The following ATP6V0E1 variants were observed in gnomAD, a reference collection of about 807,000 sequenced individuals.
ATP6V0E1 encodes the protein V-type proton ATPase subunit e 1.
A neutral mutation model predicts 11.6 loss-of-function variants in ATP6V0E1; 4 were observed. The ratio of observed to expected loss-of-function variants is 0.35; its 90% CI spans 0.17 to 0.79. The LOEUF (loss-of-function observed/expected upper bound fraction) is 0.79. ATP6V0E1 is among the 30% of genes least tolerant of loss of function. The pLI, the probability that ATP6V0E1 is intolerant of heterozygous loss-of-function variation, is 0.54. For missense variants in ATP6V0E1, 105 were observed against 100.0 expected, an observed-to-expected ratio of 1.05 and a Z score of -0.21; for synonymous variants, 36 against 34.8, an observed-to-expected ratio of 1.04 and a Z score of -0.13.
chr5:172,998,609 TAAA>T (rs59297626), intron 2 of ATP6V0E1, among the ~76,000 whole-genome samples: 19,585 of 119,706 alleles, frequency 0.16, 2,075 homozygotes, highest in African/African-American at 0.32. Context: ...GACTCCATCT[TAAA>T]AAAAAAAAAA....
At chr5:173,033,092 C>T (rs1171708344) in intron 3 of ATP6V0E1, among the ~76,000 whole-genome samples, 1 of 152,006 alleles carries the variant, frequency 6.6e-6, no homozygotes. Context: ...GCGAGACTGT[C>T]TGAAAAAAAT....
chr5:173,006,826 T>C (rs529444872), intron 2 of ATP6V0E1, among the ~76,000 whole-genome samples: 1 of 152,254 alleles, frequency 6.6e-6, no homozygotes, highest in Non-Finnish European at 1.5e-5. Context: ...CTGAGAATTG[T>C]TTGAATTTCT....
At chr5:172,987,571 GCCACACC>G (rs1755915810) in intron 1 of ATP6V0E1, among the ~76,000 whole-genome samples, 1 of 151,592 alleles carries the variant, frequency 6.6e-6, no homozygotes, top group Non-Finnish European at 1.5e-5. Flanking sequence ...GGTGTGAGCT[GCCACACC>G]CGGCCCCCTG....
At position 172,984,058 on chromosome 5, in the gene ATP6V0E1, C is replaced by T. The variant is rs1422571815; in HGVS notation, c.104+94C>T. 3.2e-6 allele frequency: 4 copies of T among 1,236,590 alleles called. No individual in the cohort carries two copies. The East Asian group carries it at 9.3e-5, about 29-fold the overall frequency. 76.6% of individuals were successfully genotyped at this position (1,236,590 alleles called of 1,614,324 possible). On this transcript the variant is annotated intron_variant, in intron 1 of 3. Coordinates refer to ENST00000519374, the MANE Select transcript of ATP6V0E1 (RefSeq NM_003945.4). ...CACGACCCCCACACGGGTCAGAGAA[C>T]GTTGCATGGGCGCCCCCCGCGCTGC...
At chr5:173,017,482 C>T (rs1360418636) in intron 2 of ATP6V0E1, among the ~76,000 whole-genome samples, 1 of 147,402 alleles carries the variant, frequency 6.8e-6, no homozygotes, top group Non-Finnish European at 1.5e-5. Context: ...TGCAGTGAGC[C>T]GAGATCGTGC....
chr5:173,024,489 C>T (rs1363642203), intron 3 of ATP6V0E1, among the ~76,000 whole-genome samples: 2 of 151,970 alleles, frequency 1.3e-5, no homozygotes, highest in African/African-American at 4.8e-5. Context: ...TTTCTGGCAA[C>T]ATCAAAATGT....
chr5:172,984,931 G>A (rs61358913), intron 1 of ATP6V0E1, among the ~76,000 whole-genome samples: 10,918 of 152,222 alleles, frequency 0.072, 470 homozygotes, highest in African/African-American at 0.11. Context: ...TGAGTGAATA[G>A]TTCTATTGTC....
chr5:173,003,325 C>G (rs1206063496), intron 2 of ATP6V0E1, among the ~76,000 whole-genome samples: 2 of 152,290 alleles, frequency 1.3e-5, no homozygotes, highest in East Asian at 3.9e-4. Context: ...TGTTTACTAT[C>G]TGCTTCTCCT....
intron 3 of ATP6V0E1, among the ~76,000 whole-genome samples, chr5:173,023,731 G>C (rs1756517353): frequency 6.6e-6 from 1 of 152,152 alleles, no homozygotes; most frequent in Non-Finnish European, 1.5e-5. Context: ...TGTAGTTCCA[G>C]CTATTCAGGA....
At chr5:172,989,995 C>T (rs1024184442) in intron 1 of ATP6V0E1, among the ~76,000 whole-genome samples, 1 of 152,002 alleles carries the variant, frequency 6.6e-6, no homozygotes, top group Non-Finnish European at 1.5e-5. Flanking sequence ...ACCACCATGC[C>T]CAACCAATTA....
intron 1 of ATP6V0E1, among the ~76,000 whole-genome samples, chr5:172,993,685 C>CCA (rs1554118439): frequency 8.2e-6 from 1 of 121,854 alleles, no homozygotes; most frequent in African/African-American, 3.2e-5. Context: ...TGAGACCCCC[C>CCA]CCCCCGACCC....
Position 172,983,961 on chromosome 5 carries a change from G to T in ATP6V0E1, c.101G>T (p.Arg34Leu), listed in dbSNP as rs767572032. ...VPWFIPKGPNRGVIITMLVTC... is the reference protein window; with the variant it reads ...VPWFIPKGPNLGVIITMLVTC... The stretch of plus-strand genomic sequence containing the variant: ...TGGTTCATCCCTAAGGGTCCTAACC[G>T]GGGGTAAGTGCGTGAGGCCCGCCTT... The change falls in exon 1 of 4, where the codon CGG becomes CTG. Residue 34 changes from arginine to leucine, a missense_variant. Physicochemically the swap from Arg to Leu is moderately radical, Grantham distance 102. Coordinates refer to ENST00000519374, the MANE Select transcript of ATP6V0E1 (RefSeq NM_003945.4). The T allele has an allele frequency of 1.2e-6, 2 of 1,612,400 alleles. No individual in the cohort carries two copies. Among genetic ancestry groups the T allele is most frequent in the Non-Finnish European group, 1.7e-6 (2 of 1,179,690 alleles).
At chr5:172,997,160 A>G (rs1756078320) in intron 2 of ATP6V0E1, among the ~76,000 whole-genome samples, 1 of 152,228 alleles carries the variant, frequency 6.6e-6, no homozygotes, top group South Asian at 2.1e-4. Flanking sequence ...GTTTTTAAAC[A>G]TACCAGTGAG....
intron 2 of ATP6V0E1, among the ~76,000 whole-genome samples, chr5:172,999,247 G>A (rs74292226): frequency 1.3e-5 from 2 of 152,190 alleles, no homozygotes; most frequent in East Asian, 3.9e-4. Flanking sequence ...TCTTTGAAAT[G>A]TGTTTAATTT....
intron 2 of ATP6V0E1, among the ~76,000 whole-genome samples, chr5:173,003,895 G>T (rs1322116993): frequency 2.0e-5 from 3 of 152,150 alleles, no homozygotes; most frequent in Non-Finnish European, 4.4e-5. Context: ...ATTACCTAAG[G>T]CAGTGGTTCT....
intron 3 of ATP6V0E1, among the ~76,000 whole-genome samples, chr5:173,022,843 T>C (rs1297289767): frequency 6.6e-6 from 1 of 151,852 alleles, no homozygotes; most frequent in Non-Finnish European, 1.5e-5. Flanking sequence ...ATGTGGTCCA[T>C]GTTTTGGCTA....
At chr5:173,005,158 A>G (rs1756210491) in intron 2 of ATP6V0E1, among the ~76,000 whole-genome samples, 1 of 143,306 alleles carries the variant, frequency 7.0e-6, no homozygotes, top group African/African-American at 2.4e-5. Context: ...GGCAGTTTCT[A>G]CGAAAAAAAA....
intron 1 of ATP6V0E1, among the ~76,000 whole-genome samples, chr5:172,988,898 A>C (rs1755939041): frequency 6.6e-6 from 1 of 152,208 alleles, no homozygotes; most frequent in Admixed American, 6.5e-5. Context: ...CATGTTGGCC[A>C]GGCTGTTACC....
intron 2 of ATP6V0E1, among the ~76,000 whole-genome samples, chr5:173,002,557 T>C (rs892238432): frequency 2.0e-5 from 3 of 152,222 alleles, no homozygotes; most frequent in African/African-American, 7.2e-5. Context: ...GCTTCAATTT[T>C]TTGACCAGTC....
Sources: gnomAD v4.1 joint callset for allele counts (sites outside exome capture counted in the v4.1 genomes callset) on GRCh38, gnomAD v4.1.1 for gene constraint, MANE v1.5 for transcripts, NCBI Gene and HGNC (gene_info 2026-07-23, HGNC 2026-07-21) for gene names.